The following CPPED1 variants were observed in gnomAD, a reference collection of about 807,000 sequenced individuals.
The protein encoded by CPPED1 is calcineurin like phosphoesterase domain containing 1.
A neutral mutation model predicts 28.0 loss-of-function variants in CPPED1; 28 were observed. The ratio of observed to expected loss-of-function variants is 1.00; its 90% CI spans 0.74 to 1.37. CPPED1 has a LOEUF of 1.37. CPPED1 is among the 40% of genes most tolerant of loss of function. The probability of loss-of-function intolerance (pLI) is 0.00; values close to 1 mark genes in which losing one functional copy is unlikely to be tolerated. For synonymous variants in CPPED1, 198 were observed against 180.2 expected (o/e 1.10, Z -0.79); for missense variants, 504 against 416.5 (o/e 1.21, Z -1.83).
At chr16:12,688,056 G>T (rs1381011164) in intron 3 of CPPED1, among the ~76,000 whole-genome samples, 2 of 151,312 alleles carry the variant, frequency 1.3e-5, no homozygotes, top group Non-Finnish European at 1.5e-5. Context: ...TTGAGACAGG[G>T]TCTTACTCTG....
chr16:12,670,213 T>G lies in CPPED1; in HGVS notation c.716-5098A>C, dbSNP rs2079846667. Among the ~76,000 whole-genome samples the G allele has an allele frequency of 3.3e-5, 5 of 152,318 alleles. No homozygotes were observed. The South Asian group carries it at 1.0e-3, about 32-fold the overall frequency. On this transcript the variant is annotated intron_variant, in intron 3 of 3. Coordinates refer to ENST00000381774, the MANE Select transcript of CPPED1 (RefSeq NM_018340.3). The surrounding 1 kb of genome is among the most constrained non-coding windows in gnomAD (Gnocchi z 4.2). Reference sequence around the variant, plus strand: ...AGGAGGCTGAGGTGGGAGGATTGCTTGAGCCTGGAAGTTTGAAGCTACAGT... The same window carrying G: ...AGGAGGCTGAGGTGGGAGGATTGCTGGAGCCTGGAAGTTTGAAGCTACAGT...
intron 2 of CPPED1, among the ~76,000 whole-genome samples, chr16:12,770,542 C>G (rs866139308): frequency 2.6e-5 from 4 of 152,082 alleles, no homozygotes; most frequent in Non-Finnish European, 5.9e-5. Context: ...AGCATGCTGA[C>G]CAGGGCGTGG....
Position 12,717,288 on chromosome 16 carries a change from G to C in CPPED1, c.290-12239C>G, listed in dbSNP as rs533837193. Among the ~76,000 whole-genome samples, 29 of 152,296 alleles carry C rather than the reference G, an allele frequency of 1.9e-4. 1 individual carries two copies. Among genetic ancestry groups the C allele is most frequent in the African/African-American group, 6.5e-4 (27 of 41,572 alleles). ...TTGGGATCTTTTTTTCTTTGAGGCG[G>C]AGTCTCGCTTTGTCGCCCAGGCTGG... is the stretch of plus-strand genomic sequence containing the variant. On this transcript the variant is annotated intron_variant, in intron 2 of 3. Transcript: ENST00000381774.
intron 2 of CPPED1, among the ~76,000 whole-genome samples, chr16:12,773,853 A>G (rs12920195): frequency 0.24 from 36,182 of 152,210 alleles, 4,552 homozygotes; most frequent in East Asian, 0.29. Context: ...ACATGCTACC[A>G]GTAAACAATC....
Position 12,706,556 on chromosome 16 carries a change from GAAA to G in CPPED1, c.290-1510_290-1508del, listed in dbSNP as rs56369967. Among the ~76,000 whole-genome samples, 187 of 104,844 alleles carry G rather than the reference GAAA, an allele frequency of 1.8e-3. 1 individual carries two copies. The highest frequency in any genetic ancestry group is 9.2e-3 in the East Asian group (32 of 3,464). The allele number at this position is 104,844 out of a possible 152,430, so 68.8% of individuals were successfully genotyped here. A position where few individuals can be genotyped will look rare whatever the true frequency, so the allele number is the denominator to read the frequency against. ...CCCAAGCTTATGTATAATTTTCACC[GAAA>G]AAAAAAAAAAAAAAAAACTCAAAGA... is the stretch of plus-strand genomic sequence containing the variant. On this transcript the variant is annotated intron_variant, in intron 2 of 3. Coordinates refer to ENST00000381774, the MANE Select transcript of CPPED1 (RefSeq NM_018340.3).
intron 3 of CPPED1, among the ~76,000 whole-genome samples, chr16:12,700,742 G>A (rs1042565454): frequency 1.3e-5 from 2 of 152,166 alleles, no homozygotes; most frequent in African/African-American, 4.8e-5. Flanking sequence ...CATTTATTAT[G>A]AGCTAATATC....
At chr16:12,744,022 A>G (rs1458745460) in intron 2 of CPPED1, among the ~76,000 whole-genome samples, 1 of 151,858 alleles carries the variant, frequency 6.6e-6, no homozygotes, top group African/African-American at 2.4e-5. Flanking sequence ...CACACCTGTA[A>G]TCTCAGCACT....
intron 2 of CPPED1, among the ~76,000 whole-genome samples, chr16:12,748,589 T>A (rs1290682975): frequency 6.6e-6 from 1 of 152,144 alleles, no homozygotes; most frequent in Admixed American, 6.5e-5. Context: ...TGTAGTCTAT[T>A]AAGTATGCAA....
At chr16:12,772,798 A>AC (rs1596479676) in intron 2 of CPPED1, among the ~76,000 whole-genome samples, 1 of 152,058 alleles carries the variant, frequency 6.6e-6, no homozygotes, top group Non-Finnish European at 1.5e-5. Flanking sequence ...CTTATCCCAA[A>AC]CCCCCTAGGC....
At chr16:12,697,542 G>A (rs1477525469) in intron 3 of CPPED1, among the ~76,000 whole-genome samples, 2 of 152,172 alleles carry the variant, frequency 1.3e-5, no homozygotes, top group Admixed American at 1.3e-4. Flanking sequence ...TACAGAATGT[G>A]GACAAGGTTC....
chr16:12,695,557 C>T (rs2079985564), intron 3 of CPPED1, among the ~76,000 whole-genome samples: 1 of 152,214 alleles, frequency 6.6e-6, no homozygotes, highest in African/African-American at 2.4e-5. Flanking sequence ...AGGTGTGAGC[C>T]ACCATGCCCA....
rs1343851499 is a variant in CPPED1 at position 12,669,545 on chromosome 16, A to G, written c.716-4430T>C. ...AGAGGAGGAAGCTAAAATGATCCAT[A>G]TCACAACAACGGATTAGAGTTGGAG... On this transcript the variant is annotated intron_variant, in intron 3 of 3. Coordinates refer to ENST00000381774, the MANE Select transcript of CPPED1 (RefSeq NM_018340.3). 2.6e-5 allele frequency among the ~76,000 whole-genome samples: 4 copies of G among 152,256 alleles called. No individual in the cohort carries two copies. The East Asian group carries it at 7.7e-4, about 29-fold the overall frequency.
chr16:12,789,940 G>A (rs1212950613), intron 1 of CPPED1, among the ~76,000 whole-genome samples: 2 of 152,122 alleles, frequency 1.3e-5, no homozygotes, highest in Non-Finnish European at 1.5e-5. Flanking sequence ...ACAAGATCTG[G>A]CCACTTCCAC....
chr16:12,753,898 G>A (rs1230312515), intron 2 of CPPED1: 3 of 152,170 alleles, frequency 2.0e-5, no homozygotes, highest in African/African-American at 7.2e-5. Flanking sequence ...CCTCCTGTGT[G>A]GCTTGGGGAG....
intron 2 of CPPED1, among the ~76,000 whole-genome samples, chr16:12,724,572 T>A (rs554210323): frequency 6.6e-6 from 1 of 152,296 alleles, no homozygotes; most frequent in East Asian, 1.9e-4. Flanking sequence ...ACTGACACCT[T>A]ACATCATCCC....
chr16:12,770,518 T>C (rs1228072093), intron 2 of CPPED1, among the ~76,000 whole-genome samples: 1 of 152,122 alleles, frequency 6.6e-6, no homozygotes, highest in Non-Finnish European at 1.5e-5. Flanking sequence ...ATGATCACGT[T>C]TGTATTTAAG....
chr16:12,743,477 T>C (rs933643523), intron 2 of CPPED1, among the ~76,000 whole-genome samples: 1 of 152,092 alleles, frequency 6.6e-6, no homozygotes, highest in Non-Finnish European at 1.5e-5. Context: ...ATGGACAAAG[T>C]GGACTACGTT....
chr16:12,736,641 A>C (rs1266610464), intron 2 of CPPED1, among the ~76,000 whole-genome samples: 1 of 152,222 alleles, frequency 6.6e-6, no homozygotes, highest in African/African-American at 2.4e-5. Context: ...AGGGAGGAGG[A>C]GAGACTTAGA....
chr16:12,798,263 G>C (rs1596489860), intron 1 of CPPED1, among the ~76,000 whole-genome samples: 1 of 152,238 alleles, frequency 6.6e-6, no homozygotes, highest in East Asian at 1.9e-4. Flanking sequence ...GTAATCATAA[G>C]CCCTATTTAC....
Sources: gnomAD v4.1 joint callset for allele counts (sites outside exome capture counted in the v4.1 genomes callset) on GRCh38, gnomAD v4.1.1 for gene constraint, Gnocchi (gnomAD v3.1) non-coding constraint, MANE v1.5 for transcripts, NCBI Gene and HGNC (gene_info 2026-07-23, HGNC 2026-07-21) for gene names.